TET2: variants seen among roughly 807,000 people sequenced by gnomAD.
The protein encoded by TET2 is tet methylcytosine dioxygenase 2.
Under a neutral mutation model 142.9 loss-of-function variants are expected in TET2, and 299 were observed. The observed-to-expected ratio is 2.09, with a 90% CI of 1.90 to 2.30. TET2 has a LOEUF of 2.30. TET2 is among the 30% of genes most tolerant of loss of function. The pLI is 0.00. For synonymous variants in TET2, 819 were observed against 849.0 expected, an observed-to-expected ratio of 0.96 and a Z score of 0.61; for missense variants, 2,418 against 2,378.0, an observed-to-expected ratio of 1.02 and a Z score of -0.35.
rs1167258645 is a variant in TET2 at position 105,236,133 on chromosome 4, C to A, written c.2191C>A (p.Gln731Lys). Residue 731 changes from glutamine to lysine, a missense_variant, in exon 3 of 11, where the codon CAA becomes AAA. Physicochemically the swap from Gln to Lys is moderately conservative, Grantham distance 53 (BLOSUM62 1). Transcript: ENST00000380013. ...GCCTCATAAACAGGCAGCACAAACA[C>A]AACCATCCCAGAGTTCACATCTCCC... is the stretch of plus-strand genomic sequence containing the variant. Reference protein sequence around the residue: ...HKPHKQAAQTQPSQSSHLPQN... With the variant: ...HKPHKQAAQTKPSQSSHLPQN... 1 of 1,614,022 alleles carries A rather than the reference C, an allele frequency of 6.2e-7. No individual in the cohort carries two copies. The highest frequency in any genetic ancestry group is 1.3e-5 in the African/African-American group (1 of 74,928).
intron 1 of TET2, among the ~76,000 whole-genome samples, chr4:105,169,280 G>T (rs1370403317): frequency 6.6e-6 from 1 of 151,972 alleles, no homozygotes; most frequent in Non-Finnish European, 1.5e-5. Context: ...GTTCTTGCAG[G>T]AGTAAAGTAT....
chr4:105,235,183 AG>A lies in TET2; in HGVS notation c.1243del (p.Val415PhefsTer12), dbSNP rs745528401. 2 of 1,614,030 alleles carry A rather than the reference AG, an allele frequency of 1.2e-6. No individual in the cohort carries two copies. Among genetic ancestry groups the A allele is most frequent in the Non-Finnish European group, 1.7e-6 (2 of 1,179,970 alleles). On this transcript the variant is annotated frameshift_variant, in exon 3 of 11. Coordinates refer to ENST00000380013, the MANE Select transcript of TET2 (RefSeq NM_001127208.3). LOFTEE classifies it high-confidence loss of function. ...CTTTCTCCCCCTCCTCCTCTTCCACAGGTTCCTCAGCTTCCTTCAGAAGGAA... is the reference window on the plus strand; with the variant it reads ...CTTTCTCCCCCTCCTCCTCTTCCACAGTTCCTCAGCTTCCTTCAGAAGGAA... ...LLLSPPPPLP[Q>X]VPQLPSEGKS...
chr4:105,206,710 TG>T (rs1368678053), intron 2 of TET2, among the ~76,000 whole-genome samples: 1 of 152,174 alleles, frequency 6.6e-6, no homozygotes, highest in Non-Finnish European at 1.5e-5. Context: ...TTAGTGCTAA[TG>T]GGGGATCTTT....
At chr4:105,184,007 C>T (rs1012359661) in intron 1 of TET2, among the ~76,000 whole-genome samples, 1 of 151,948 alleles carries the variant, frequency 6.6e-6, no homozygotes, top group Admixed American at 6.6e-5. Context: ...TAAACCATAC[C>T]CTTAAGAGGC....
At chr4:105,210,245 G>C (rs1172828853) in intron 2 of TET2, among the ~76,000 whole-genome samples, 1 of 152,146 alleles carries the variant, frequency 6.6e-6, no homozygotes, top group East Asian at 1.9e-4. Context: ...AGATTGAATT[G>C]CTACTTGAGT....
At chr4:105,240,066 ACCCC>A (rs1048795283) in intron 3 of TET2, 3 of 236,382 alleles carry the variant, frequency 1.3e-5, no homozygotes, top group African/African-American at 4.5e-5. Context: ...GGTTTGTGGC[ACCCC>A]CCAAAAATTA....
intron 2 of TET2, among the ~76,000 whole-genome samples, chr4:105,221,095 A>G (rs193090763): frequency 1.3e-5 from 2 of 152,272 alleles, no homozygotes; most frequent in Admixed American, 1.3e-4. Context: ...AATTTATGAG[A>G]AACAAATATT....
chr4:105,246,242 T>G (rs866521245), intron 6 of TET2, among the ~76,000 whole-genome samples: 2 of 151,602 alleles, frequency 1.3e-5, no homozygotes, highest in Non-Finnish European at 2.9e-5. Context: ...ATAATTCTTA[T>G]AAATGCCAAT....
rs759827388 is a variant in TET2 at position 105,234,912 on chromosome 4, C to T, written c.970C>T (p.Gln324Ter). ...CTTTCAGAAACCAGAACAACTACAA[C>T]AACAAAAATCAGTTTTTGAGATATG... ...CSFQKPEQLQ[Q>*]QKSVFEICPS... The change falls in exon 3 of 11, where the codon CAA (glutamine) becomes TAA (stop). Residue 324 changes from glutamine (Q) to a stop codon, truncating the protein, a stop_gained. Coordinates refer to ENST00000380013, the MANE Select transcript of TET2 (RefSeq NM_001127208.3). LOFTEE classifies it high-confidence loss of function. 1 of 1,614,086 alleles carries T rather than the reference C, an allele frequency of 6.2e-7. No homozygotes were observed. The highest frequency in any genetic ancestry group is 8.5e-7 in the Non-Finnish European group (1 of 1,180,006).
rs1229715565 is a variant in TET2, at chr4:105,278,163, AATATATACATATATATATATAT to A, written c.*1652_*1673del. On this transcript the variant is annotated 3_prime_UTR_variant, in exon 11 of 11. Coordinates refer to ENST00000380013, the MANE Select transcript of TET2 (RefSeq NM_001127208.3). ...GTATTTTAGTACTGTAAAAAAATTAAATATATACATATATATATATATATATATATATATATATATGAGTTTG... is the reference window on the plus strand; with the variant it reads ...GTATTTTAGTACTGTAAAAAAATTAAATATATATATATATATATGAGTTTG... The A allele has an allele frequency of 5.1e-5, 6 of 116,738 alleles. No individual in the cohort carries two copies. In the East Asian group the frequency reaches 6.0e-4, roughly 12 times the overall value. The allele number at this position is 116,738 out of a possible 1,614,324, so 7.2% of individuals were successfully genotyped here.
intron 1 of TET2, among the ~76,000 whole-genome samples, chr4:105,176,382 T>C (rs1037980273): frequency 2.0e-5 from 3 of 152,120 alleles, no homozygotes; most frequent in Non-Finnish European, 4.4e-5. Context: ...GTTGTTTATA[T>C]GGAATATCCA....
chr4:105,197,477 A>G (rs1019528848), intron 2 of TET2, among the ~76,000 whole-genome samples: 1 of 152,218 alleles, frequency 6.6e-6, no homozygotes, highest in Non-Finnish European at 1.5e-5. Context: ...GAAAGTGGTC[A>G]GTGGACTTTA....
At chr4:105,262,038 C>A (rs973221086) in intron 8 of TET2, among the ~76,000 whole-genome samples, 190 bp downstream of exon 8, 1 of 151,836 alleles carries the variant, frequency 6.6e-6, no homozygotes. Context: ...TTTTTTTTGT[C>A]TTTTAGCTGT....
At chr4:105,217,736 G>A (rs58862751) in intron 2 of TET2, among the ~76,000 whole-genome samples, 13,527 of 151,936 alleles carry the variant, frequency 0.089, 1,758 homozygotes, top group African/African-American at 0.28. Context: ...AAAATTACAC[G>A]TTAATATCCC....
intron 2 of TET2, among the ~76,000 whole-genome samples, chr4:105,192,045 T>C (rs1725821188): frequency 6.6e-6 from 1 of 152,208 alleles, no homozygotes; most frequent in Non-Finnish European, 1.5e-5. Flanking sequence ...CTACTCATTC[T>C]GCTCTTGTCT....
chr4:105,178,353 C>G (rs141667925), intron 1 of TET2, among the ~76,000 whole-genome samples: 4 of 152,276 alleles, frequency 2.6e-5, no homozygotes, highest in Non-Finnish European at 4.4e-5. Context: ...AGGCTAAATA[C>G]TGTATGATTC....
At chr4:105,251,228 G>GT (rs1729855629) in intron 6 of TET2, among the ~76,000 whole-genome samples, 1 of 151,668 alleles carries the variant, frequency 6.6e-6, no homozygotes, top group Non-Finnish European at 1.5e-5. Flanking sequence ...GTGGCTTTAT[G>GT]TTTTTTTCTT....
At chr4:105,192,246 G>A (rs898388816) in intron 2 of TET2, among the ~76,000 whole-genome samples, 2 of 151,928 alleles carry the variant, frequency 1.3e-5, no homozygotes, top group Admixed American at 1.3e-4. Context: ...TAGCCATTGA[G>A]GGAAAAGGTT....
Position 105,278,203 on chromosome 4 carries a change from T to TATATATATATATATATATATATAGA in TET2, c.*1684_*1685insATATATATATATATATATATATAGA, listed in dbSNP as rs1553918861. The TATATATATATATATATATATATAGA allele has an allele frequency of 6.3e-6, 1 of 159,046 alleles. No homozygotes were observed. Among genetic ancestry groups the TATATATATATATATATATATATAGA allele is most frequent in the Non-Finnish European group, 1.3e-5 (1 of 76,816 alleles). 9.9% of individuals were successfully genotyped at this position (159,046 alleles called of 1,614,324 possible). A position where few individuals can be genotyped will look rare whatever the true frequency, so the allele number is the denominator to read the frequency against. On this transcript the variant is annotated 3_prime_UTR_variant, in exon 11 of 11. Coordinates refer to ENST00000380013, the MANE Select transcript of TET2 (RefSeq NM_001127208.3). Reference sequence around the variant, plus strand: ...ATATATATATATATATATATATATATGAGTTTGAAGCAGAATTCACATCAT... The same window carrying TATATATATATATATATATATATAGA: ...ATATATATATATATATATATATATATATATATATATATATATATATATAGAGAGTTTGAAGCAGAATTCACATCAT...
Sources: allele counts gnomAD v4.1 joint callset (sites outside exome capture counted in the v4.1 genomes callset), GRCh38; gene constraint gnomAD v4.1.1; transcripts MANE v1.5; gene names NCBI Gene and HGNC (gene_info 2026-07-23, HGNC 2026-07-21).